Variants in KCNQ1 observed in about 807,000 individuals in gnomAD.
KCNQ1 encodes the protein potassium voltage-gated channel subfamily Q member 1, also known as potassium voltage-gated channel subfamily KQT member 1.
KCNQ1 carries 49 observed loss-of-function variants against 72.4 expected under a neutral mutation model. That is an observed-to-expected ratio of 0.68 (90% CI 0.54 to 0.86). The LOEUF (loss-of-function observed/expected upper bound fraction) is 0.86, where lower values mean the gene tolerates loss of function less well. Ranked by LOEUF, KCNQ1 falls within the 40% of genes least tolerant of loss-of-function variation. KCNQ1 has a pLI of 0.00. For synonymous variants in KCNQ1, 450 were observed against 412.6 expected, an observed-to-expected ratio of 1.09 and a Z score of -1.10; for missense variants, 790 against 945.1, an observed-to-expected ratio of 0.84 and a Z score of 2.15.
At chr11:2,731,552 G>A (rs905823079) in intron 11 of KCNQ1, among the ~76,000 whole-genome samples, 1 of 152,244 alleles carries the variant, frequency 6.6e-6, no homozygotes, top group Non-Finnish European at 1.5e-5. Context: ...CCCAGGAGAG[G>A]GCTTTCCTCC....
At chr11:2,548,737 T>G (rs1589944032) in intron 2 of KCNQ1, among the ~76,000 whole-genome samples, 1 of 152,260 alleles carries the variant, frequency 6.6e-6, no homozygotes, top group South Asian at 2.1e-4. Context: ...TTTATGCGTG[T>G]GCACACACGG....
intron 1 of KCNQ1, among the ~76,000 whole-genome samples, chr11:2,524,648 T>G (rs77441623): frequency 0.023 from 3,538 of 152,284 alleles, 125 homozygotes; most frequent in African/African-American, 0.069. Flanking sequence ...TTTTGCCACA[T>G]CTTTGCAGTA....
chr11:2,522,077 A>T (rs1271624649), intron 1 of KCNQ1, among the ~76,000 whole-genome samples: 1 of 152,240 alleles, frequency 6.6e-6, no homozygotes, highest in African/African-American at 2.4e-5. Context: ...ATGATGTCGG[A>T]TAATTCACCG....
chr11:2,583,385 C>T (rs770602218), intron 6 of KCNQ1, 50 bp from the exon 7 acceptor site: 1 of 1,361,300 alleles, frequency 7.3e-7, no homozygotes, highest in East Asian at 2.3e-5. Context: ...AGTTGGCCCT[C>T]CCGAGGCTCC....
chr11:2,788,947 G>A lies in KCNQ1; in HGVS notation c.1794+10910G>A, dbSNP rs115433741. 9.9e-3 allele frequency among the ~76,000 whole-genome samples: 1,506 copies of A among 152,256 alleles called. 30 individuals carry two copies. Among genetic ancestry groups the A allele is most frequent in the African/African-American group, 0.035 (1,437 of 41,548 alleles). ...GGGGAGGCTTGCAGGAGGCCCCTGG[G>A]GCCAGGTTGAGTCTGCTCCCAGGGA... On this transcript the variant is annotated intron_variant, in intron 15 of 15. Transcript: ENST00000155840.
rs886097089 is a variant in KCNQ1, at chr11:2,478,587, C to G, written c.386+33103C>G. On this transcript the variant is annotated intron_variant, in intron 1 of 15. Coordinates refer to ENST00000155840, the MANE Select transcript of KCNQ1 (RefSeq NM_000218.3). This position sits in a 1 kb window ranked among gnomAD's most constrained non-coding sequence, Gnocchi z 4.0. ...TACCATGAGAACAGCATGGAGGAAA[C>G]CACCCCCATGATTCAATTATCTCCC... Among the ~76,000 whole-genome samples, 14 of 152,246 alleles carry G rather than the reference C, an allele frequency of 9.2e-5. No homozygotes were observed. Among genetic ancestry groups the G allele is most frequent in the African/African-American group, 3.4e-4 (14 of 41,544 alleles).
rs1460706170 is a variant in KCNQ1, at chr11:2,567,607, G to A, written c.478-3021G>A. On this transcript the variant is annotated intron_variant, in intron 2 of 15. Coordinates refer to ENST00000155840, the MANE Select transcript of KCNQ1 (RefSeq NM_000218.3). The surrounding 1 kb of genome is among the most constrained non-coding windows in gnomAD (Gnocchi z 6.6). ...TTGCTGTTTCCAGCCTAGAGATGGT[G>A]AGGGGACTTTTCCTTGGCTCTTTCC... Among the ~76,000 whole-genome samples the A allele has an allele frequency of 6.6e-6, 1 of 152,210 alleles. No individual in the cohort carries two copies. Among genetic ancestry groups the A allele is most frequent in the African/African-American group, 2.4e-5 (1 of 41,434 alleles).
rs985530330 is a variant in KCNQ1, at chr11:2,665,932, A to G, written c.1514+3851A>G. On this transcript the variant is annotated intron_variant, in intron 11 of 15. Coordinates refer to ENST00000155840, the MANE Select transcript of KCNQ1 (RefSeq NM_000218.3). Reference sequence around the variant, plus strand: ...CTCCAAGCAACCCTGGGAGGCTGAAATCATTTTTGTGAAATCCTCCCTCAC... The same window carrying G: ...CTCCAAGCAACCCTGGGAGGCTGAAGTCATTTTTGTGAAATCCTCCCTCAC... 17 of 398,350 alleles carry G rather than the reference A, an allele frequency of 4.3e-5. No homozygotes were observed. The Admixed American group carries it at 6.2e-4, about 14-fold the overall frequency. The allele number at this position is 398,350 out of a possible 1,614,324, so 24.7% of individuals were successfully genotyped here.
chr11:2,698,298 T>C lies in KCNQ1; in HGVS notation c.1514+36217T>C, dbSNP rs1850712726. The C allele has an allele frequency of 2.5e-6, 1 of 398,526 alleles. No homozygotes were observed. The highest frequency in any genetic ancestry group is 4.4e-6 in the Non-Finnish European group (1 of 226,070). 24.7% of individuals were successfully genotyped at this position (398,526 alleles called of 1,614,324 possible). On this transcript the variant is annotated intron_variant, in intron 11 of 15. Transcript: ENST00000155840. This position sits in a 1 kb window ranked among gnomAD's most constrained non-coding sequence, Gnocchi z 5.1. ...GAACTATTCTACCTGGATGAATTAT[T>C]CTCTTTCATAACCAGAACAGTGCTG...
rs1370828083 is a variant in KCNQ1, at chr11:2,752,240, TCTG to T, written c.1515-16603_1515-16601del. 4.9e-4 allele frequency among the ~76,000 whole-genome samples: 74 copies of T among 151,650 alleles called. No individual in the cohort carries two copies. The highest frequency in any genetic ancestry group is 1.7e-3 in the African/African-American group (69 of 40,962). On this transcript the variant is annotated intron_variant, in intron 11 of 15. Coordinates refer to ENST00000155840, the MANE Select transcript of KCNQ1 (RefSeq NM_000218.3). This position sits in a 1 kb window ranked among gnomAD's most constrained non-coding sequence, Gnocchi z 5.2. ...GGGTTGATTTTAGCTTCACAGGTGA[TCTG>T]AACCCAGCTGAGTGGCTTCCATGGA...
rs74667646 is a variant in KCNQ1, at chr11:2,664,574, G to T, written c.1514+2493G>T. 5,131 of 398,632 alleles carry T rather than the reference G, an allele frequency of 0.013. 163 individuals carry two copies. Among genetic ancestry groups the T allele is most frequent in the East Asian group, 0.081 (2,259 of 28,056 alleles). The allele number at this position is 398,632 out of a possible 1,614,324, so 24.7% of individuals were successfully genotyped here. On this transcript the variant is annotated intron_variant, in intron 11 of 15. Coordinates refer to ENST00000155840, the MANE Select transcript of KCNQ1 (RefSeq NM_000218.3). The surrounding 1 kb of genome is among the most constrained non-coding windows in gnomAD (Gnocchi z 5.1). ...TGGGGGCCGTGCAGGTCTTCTGCCC[G>T]CATTGGGGCTGCATTCCTCCACCTC...
rs114357663 is a variant in KCNQ1, at chr11:2,816,980, C to T, written c.1795-30787C>T. Among the ~76,000 whole-genome samples, 1,648 of 152,178 alleles carry T rather than the reference C, an allele frequency of 0.011. 16 individuals carry two copies. The highest frequency in any genetic ancestry group is 0.034 in the African/African-American group (1,416 of 41,526). On this transcript the variant is annotated intron_variant, in intron 15 of 15. Coordinates refer to ENST00000155840, the MANE Select transcript of KCNQ1 (RefSeq NM_000218.3). This position sits in a 1 kb window ranked among gnomAD's most constrained non-coding sequence, Gnocchi z 6.8. ...CCCCTCCAAAACCTTGGTCCCTGTC[C>T]GCAGAGGGTGTCAGGGCTTGAGGTC...
intron 11 of KCNQ1, among the ~76,000 whole-genome samples, chr11:2,742,640 C>T (rs1308089382): frequency 6.6e-6 from 1 of 152,224 alleles, no homozygotes; most frequent in Non-Finnish European, 1.5e-5. Context: ...TGAGGATGCT[C>T]GGTGTTTGTC....
At position 2,670,888 on chromosome 11, in the gene KCNQ1, A is replaced by G. The variant is rs770965475; in HGVS notation, c.1514+8807A>G. The G allele has an allele frequency of 2.5e-6, 1 of 398,622 alleles. No individual in the cohort carries two copies. The highest frequency in any genetic ancestry group is 4.4e-6 in the Non-Finnish European group (1 of 226,074). The allele number at this position is 398,622 out of a possible 1,614,324, so 24.7% of individuals were successfully genotyped here. ...AGTGGGCCACTGGGAAGCCTCCTGG[A>G]TTGCCTGGACAAGGCTGACCTGCCC... On this transcript the variant is annotated intron_variant, in intron 11 of 15. Transcript: ENST00000155840. This position sits in a 1 kb window ranked among gnomAD's most constrained non-coding sequence, Gnocchi z 4.9.
chr11:2,628,018 C>T, intron 10 of KCNQ1: 1 of 398,652 alleles, frequency 2.5e-6, no homozygotes. Context: ...CCCCCAAGTA[C>T]TGGGATTACA....
In KCNQ1 at chr11:2,784,582, T is replaced by G. The variant is rs1257397403; in HGVS notation, c.1794+6545T>G. Among the ~76,000 whole-genome samples, 1 of 151,998 alleles carries G rather than the reference T, an allele frequency of 6.6e-6. No individual in the cohort carries two copies. Among genetic ancestry groups the G allele is most frequent in the Non-Finnish European group, 1.5e-5 (1 of 67,836 alleles). ...AAAAAAGAAGGGCCTGCTGGGATTT[T>G]GATAGGCATTGTGTTGAATCTATAG... On this transcript the variant is annotated intron_variant, in intron 15 of 15. Transcript: ENST00000155840. This position sits in a 1 kb window ranked among gnomAD's most constrained non-coding sequence, Gnocchi z 4.7.
chr11:2,829,998 GGGAGGAGGAAGGAGGAGGAA>G (rs1243212573), intron 15 of KCNQ1, among the ~76,000 whole-genome samples: 2 of 129,120 alleles, frequency 1.5e-5, no homozygotes, highest in East Asian at 2.9e-4. Context: ...GGAAGGAAGA[GGGAGGAGGAAGGAGGAGGAA>G]GGAGGAGGAA....
Position 2,762,912 on chromosome 11 carries a change from G to T in KCNQ1, c.1515-5932G>T, listed in dbSNP as rs1000969310. 8.6e-5 allele frequency among the ~76,000 whole-genome samples: 13 copies of T among 151,932 alleles called. No homozygotes were observed. In the South Asian group the frequency reaches 1.2e-3, roughly 15 times the overall value. On this transcript the variant is annotated intron_variant, in intron 11 of 15. Transcript: ENST00000155840. This position sits in a 1 kb window ranked among gnomAD's most constrained non-coding sequence, Gnocchi z 4.3. The stretch of plus-strand genomic sequence containing the variant: ...TCCGTCAGACCCCCACTGTTCATCT[G>T]TCTGCCCACACGCTCTTAATCAAGC...
Position 2,710,365 on chromosome 11 carries a change from TAA to T in KCNQ1, c.1514+48285_1514+48286del, listed in dbSNP as rs1437705032. On this transcript the variant is annotated intron_variant, in intron 11 of 15. Coordinates refer to ENST00000155840, the MANE Select transcript of KCNQ1 (RefSeq NM_000218.3). The surrounding 1 kb of genome is among the most constrained non-coding windows in gnomAD (Gnocchi z 4.1). ...AGTAGAGTTCTTTATAGTCTAGATA[TAA>T]GTTTTTTATATTCTAGATTCAAGTT... 6.6e-6 allele frequency among the ~76,000 whole-genome samples: 1 copy of T among 152,240 alleles called. No homozygotes were observed. Among genetic ancestry groups the T allele is most frequent in the East Asian group, 1.9e-4 (1 of 5,202 alleles).
Sources: allele counts gnomAD v4.1 joint callset (sites outside exome capture counted in the v4.1 genomes callset), GRCh38; gene constraint gnomAD v4.1.1; non-coding constraint Gnocchi (gnomAD v3.1); transcripts MANE v1.5; gene names NCBI Gene and HGNC (gene_info 2026-07-23, HGNC 2026-07-21).